SMAD6: variants seen among roughly 807,000 people sequenced by gnomAD.
SMAD6 encodes MAD homolog 6.
In SMAD6, 103 loss-of-function variants were observed where a neutral mutation model predicts 39.4. That is an observed-to-expected ratio of 2.62 (90% confidence interval 2.23 to 3.08). SMAD6 has a LOEUF of 3.08. Ranked by LOEUF, SMAD6 falls within the 30% of genes most tolerant of loss-of-function variation. The pLI is 0.00. For synonymous variants in SMAD6, 445 were observed against 353.3 expected (o/e 1.26, Z -2.91); for missense variants, 1,104 against 742.9 (o/e 1.49, Z -5.65).
chr15:66,767,688 T>G (rs995415612), intron 3 of SMAD6, among the ~76,000 whole-genome samples: 48 of 152,358 alleles, frequency 3.2e-4, no homozygotes, highest in African/African-American at 1.1e-3. Context: ...TATTAGTATT[T>G]AATTGTGGAT....
chr15:66,721,131 C>T (rs1893424144), intron 3 of SMAD6, among the ~76,000 whole-genome samples: 2 of 152,042 alleles, frequency 1.3e-5, no homozygotes, highest in Admixed American at 1.3e-4. Flanking sequence ...AACAGAGGCT[C>T]AGGGAGGTTG....
chr15:66,741,850 T>A (rs1255120275), intron 3 of SMAD6, among the ~76,000 whole-genome samples: 1 of 152,176 alleles, frequency 6.6e-6, no homozygotes, highest in Non-Finnish European at 1.5e-5. Flanking sequence ...TACAGGTGCA[T>A]GTCCTGAGGC....
rs575612166 is a variant in SMAD6 at position 66,703,894 on chromosome 15, C to G, written c.636C>G (p.Asp212Glu). The change falls in exon 1 of 4, where the codon GAC (aspartate) becomes GAG (glutamate). Residue 212 changes from aspartate to glutamate, a missense_variant. Transcript: ENST00000288840. Reference protein sequence around the residue: ...PGGCVLVPRADLRLGGQPAPP... With the variant: ...PGGCVLVPRAELRLGGQPAPP... ...GCTGCGTGCTGGTGCCGCGCGCCGA[C>G]CTCCGCCTGGGCGGCCAGCCCGCGC... 1 of 1,299,558 alleles carries G rather than the reference C, an allele frequency of 7.7e-7. No homozygotes were observed. Among genetic ancestry groups the G allele is most frequent in the East Asian group, 3.3e-5 (1 of 30,758 alleles). The allele number at this position is 1,299,558 out of a possible 1,614,324, so 80.5% of individuals were successfully genotyped here.
rs1195614229 is a variant in SMAD6 at position 66,781,542 on chromosome 15, C to T, written c.*7C>T. 1.3e-6 allele frequency: 2 copies of T among 1,500,668 alleles called. No individual in the cohort carries two copies. Among genetic ancestry groups the T allele is most frequent in the African/African-American group, 1.4e-5 (1 of 70,226 alleles). 93.0% of individuals were successfully genotyped at this position (1,500,668 alleles called of 1,614,324 possible). ...CCTCAACAACCCCAGATAGTGGCGG[C>T]CCCGGCGGGAGGGGCGGGTGGGAGG... On this transcript the variant is annotated 3_prime_UTR_variant, in exon 4 of 4. Coordinates refer to ENST00000288840, the MANE Select transcript of SMAD6 (RefSeq NM_005585.5).
At chr15:66,749,295 TA>T (rs1893959136) in intron 3 of SMAD6, among the ~76,000 whole-genome samples, 2 of 152,070 alleles carry the variant, frequency 1.3e-5, no homozygotes, top group South Asian at 4.1e-4. Flanking sequence ...CTGTCTCTAC[TA>T]AAAATACAAA....
Position 66,781,460 on chromosome 15 carries a change from G to C in SMAD6, c.1416G>C (p.Trp472Cys), listed in dbSNP as rs1432193098. The change falls in exon 4 of 4, where the codon TGG becomes TGC. Residue 472 changes from tryptophan to cysteine, a missense_variant. Physicochemically the swap from Trp to Cys is radical, Grantham distance 215 (BLOSUM62 -2). Coordinates refer to ENST00000288840, the MANE Select transcript of SMAD6 (RefSeq NM_005585.5). ...NSVRISFAKG[W>C]GPCYSRQFIT... is the part of the protein sequence containing the mutation. ...TCCGCATCAGCTTCGCCAAGGGCTG[G>C]GGGCCCTGCTACTCCCGGCAGTTCA... 1 of 1,604,152 alleles carries C rather than the reference G, an allele frequency of 6.2e-7. No homozygotes were observed. Among genetic ancestry groups the C allele is most frequent in the Non-Finnish European group, 8.5e-7 (1 of 1,177,610 alleles).
chr15:66,716,575 A>G, intron 3 of SMAD6, 77 bp downstream of exon 3: 3 of 1,059,904 alleles, frequency 2.8e-6, no homozygotes, highest in Non-Finnish European at 4.4e-6. Context: ...GCTTGGTGGA[A>G]GACTTTTTGA....
chr15:66,753,765 G>C (rs1894050257), intron 3 of SMAD6, among the ~76,000 whole-genome samples: 1 of 152,114 alleles, frequency 6.6e-6, no homozygotes, highest in African/African-American at 2.4e-5. Flanking sequence ...CTTCTTGCCG[G>C]ACTTCATCAC....
intron 1 of SMAD6, chr15:66,707,372 G>A (rs926237632): frequency 6.6e-6 from 1 of 152,012 alleles, no homozygotes; most frequent in Non-Finnish European, 1.5e-5. Flanking sequence ...ACTTCTAAAC[G>A]ACTGGAGGAG....
rs1039327779 is a variant in SMAD6 at position 66,703,856 on chromosome 15, G to A, written c.598G>A (p.Gly200Ser). 3.6e-5 allele frequency: 49 copies of A among 1,346,562 alleles called. No individual in the cohort carries two copies. Among genetic ancestry groups the A allele is most frequent in the Middle Eastern group, 2.2e-4 (1 of 4,586 alleles). 83.4% of individuals were successfully genotyped at this position (1,346,562 alleles called of 1,614,324 possible). Residue 200 changes from glycine (G) to serine (S), a missense_variant, in exon 1 of 4, where the codon GGC becomes AGC. By Grantham distance (56) the Gly-to-Ser change is moderately conservative (BLOSUM62 0). Transcript: ENST00000288840. Reference protein sequence around the residue: ...TLLEAVESRGGVPGGCVLVPR... With the variant: ...TLLEAVESRGSVPGGCVLVPR... ...GCTGGAGGCGGTGGAGTCCCGCGGC[G>A]GCGTGCCGGGCGGCTGCGTGCTGGT...
chr15:66,745,887 A>T (rs182400373), intron 3 of SMAD6, among the ~76,000 whole-genome samples: 1 of 152,124 alleles, frequency 6.6e-6, no homozygotes, highest in Admixed American at 6.5e-5. Flanking sequence ...AGGACCTTTC[A>T]ATTCCTCTGT....
intron 3 of SMAD6, among the ~76,000 whole-genome samples, chr15:66,773,299 G>C (rs1018999705): frequency 6.6e-6 from 1 of 152,284 alleles, no homozygotes; most frequent in South Asian, 2.1e-4. Context: ...AGAGAGGCTC[G>C]TTCTAAGCTG....
At chr15:66,738,324 A>G (rs541542363) in intron 3 of SMAD6, among the ~76,000 whole-genome samples, 1 of 152,306 alleles carries the variant, frequency 6.6e-6, no homozygotes, top group South Asian at 2.1e-4. Flanking sequence ...GGAGGTGTGC[A>G]GCGGGTGCAT....
At position 66,703,872 on chromosome 15, in the gene SMAD6, G is replaced by C. The variant is rs1893042996; in HGVS notation, c.614G>C (p.Cys205Ser). ...TCCCGCGGCGGCGTGCCGGGCGGCT[G>C]CGTGCTGGTGCCGCGCGCCGACCTC... ...VESRGGVPGG[C>S]VLVPRADLRL... The change falls in exon 1 of 4, where the codon TGC becomes TCC. Residue 205 changes from cysteine (C) to serine (S), a missense_variant. Coordinates refer to ENST00000288840, the MANE Select transcript of SMAD6 (RefSeq NM_005585.5). The C allele has an allele frequency of 2.3e-6, 3 of 1,319,280 alleles. No individual in the cohort carries two copies. Among genetic ancestry groups the C allele is most frequent in the Non-Finnish European group, 9.7e-7 (1 of 1,030,766 alleles). 81.7% of individuals were successfully genotyped at this position (1,319,280 alleles called of 1,614,324 possible).
Position 66,716,491 on chromosome 15 carries a change from A to G in SMAD6, c.945A>G (p.Glu315=), listed in dbSNP as rs1893333243. 6.2e-7 allele frequency: 1 copy of G among 1,611,802 alleles called. No individual in the cohort carries two copies. Among genetic ancestry groups the G allele is most frequent in the African/African-American group, 1.3e-5 (1 of 74,970 alleles). The part of the protein sequence containing the change: ...ATNSLITAPG[E]FSDASMSPDA... ...ACTCCCTCATCACTGCTCCGGGTGA[A>G]TTCTCAGGTCAGCATTTTTTCTTGT... is the stretch of plus-strand genomic sequence containing the variant. Residue 315 remains glutamate, a synonymous_variant, in exon 3 of 4, where the codon GAA becomes GAG. Coordinates refer to ENST00000288840, the MANE Select transcript of SMAD6 (RefSeq NM_005585.5).
intron 3 of SMAD6, among the ~76,000 whole-genome samples, chr15:66,776,406 A>G (rs1894469064): frequency 6.6e-6 from 1 of 152,202 alleles, no homozygotes; most frequent in Non-Finnish European, 1.5e-5. Flanking sequence ...TGAGTGGGGT[A>G]CTTAATTATT....
At chr15:66,737,239 C>T (rs915491258) in intron 3 of SMAD6, among the ~76,000 whole-genome samples, 1 of 152,212 alleles carries the variant, frequency 6.6e-6, no homozygotes, top group Non-Finnish European at 1.5e-5. Flanking sequence ...CAGCCTTTGC[C>T]AGTCCCTCTA....
At chr15:66,708,815 C>T (rs554896732) in intron 1 of SMAD6, 296 of 443,804 alleles carry the variant, frequency 6.7e-4, no homozygotes, top group South Asian at 4.4e-3. Context: ...TTTCTTTTTG[C>T]GATAAAAAAA....
chr15:66,748,958 A>C (rs1277165991), intron 3 of SMAD6, among the ~76,000 whole-genome samples: 1 of 152,198 alleles, frequency 6.6e-6, no homozygotes, highest in Admixed American at 6.5e-5. Flanking sequence ...CTTTGTCATA[A>C]TACACATGCC....
Sources: gnomAD v4.1 joint callset for allele counts (sites outside exome capture counted in the v4.1 genomes callset) on GRCh38, gnomAD v4.1.1 for gene constraint, MANE v1.5 for transcripts, NCBI Gene and HGNC (gene_info 2026-07-23, HGNC 2026-07-21) for gene names.